The following STARD8 variants were observed in gnomAD, a reference collection of about 807,000 sequenced individuals.
The protein encoded by STARD8 is StAR related lipid transfer domain containing 8, also known as stAR-related lipid transfer protein 8.
Under a neutral mutation model 69.4 loss-of-function variants are expected in STARD8, and 25 were observed. The observed-to-expected ratio is 0.36, with a 90% CI of 0.26 to 0.50. The LOEUF is 0.50. STARD8 is among the 20% of genes least tolerant of loss of function. STARD8 has a pLI of 0.96. For synonymous variants in STARD8, 389 were observed against 374.6 expected (o/e 1.04, Z -0.45); for missense variants, 921 against 932.5 (o/e 0.99, Z 0.16).
intron 2 of STARD8, among the ~76,000 whole-genome samples, chrX:68,692,241 C>T (rs1229639009): frequency 1.8e-5 from 2 of 111,946 alleles, no homozygotes; most frequent in African/African-American, 6.5e-5. Flanking sequence ...CTTGGCGCAC[C>T]TTGAACAAAT....
rs375613703 is a variant in STARD8 at position 68,717,235 on chromosome X, G to T, written c.321G>T (p.Glu107Asp). The change falls in exon 6 of 15, where the codon GAG becomes GAT. Residue 107 changes from glutamate (E) to aspartate (D), a missense_variant. Physicochemically the swap from Glu to Asp is conservative, Grantham distance 45. Transcript: ENST00000374599. ...AGAATGAAGACTCAGAAGAGGAAGA[G>T]CAGTGTACCATCAGTAGCCACTGGG... ...SKQNEDSEEE[E>D]QCTISSHWAF... 24 of 1,198,501 alleles carry T rather than the reference G, an allele frequency of 2.0e-5. No individual in the cohort carries two copies. The highest frequency in any genetic ancestry group is 2.5e-5 in the Non-Finnish European group (22 of 889,227).
rs144765098 is a variant in STARD8 at position 68,710,500 on chromosome X, C to G, written c.80-2414C>G. 7.1e-5 allele frequency among the ~76,000 whole-genome samples: 8 copies of G among 112,194 alleles called. No individual in the cohort carries two copies. In the East Asian group the frequency reaches 2.3e-3, roughly 32 times the overall value. ...CCCAGGTGATGTTGATGCTGCTAGT[C>G]TGGGACTACACTTTGAGTAGCAAGG... On this transcript the variant is annotated intron_variant, in intron 2 of 14. Transcript: ENST00000374599.
At chrX:68,708,684 G>C (rs2080027015) in intron 2 of STARD8, among the ~76,000 whole-genome samples, 1 of 112,078 alleles carries the variant, frequency 8.9e-6, no homozygotes, top group African/African-American at 3.2e-5. Context: ...AATCCAGTTT[G>C]TGCCAGCTGA....
chrX:68,718,850 G>A (rs1489958223), intron 6 of STARD8, among the ~76,000 whole-genome samples: 1 of 111,498 alleles, frequency 9.0e-6, no homozygotes, highest in Non-Finnish European at 1.9e-5. Flanking sequence ...TCTCCTCTCT[G>A]GGCCTCAGTT....
chrX:68,684,513 C>T (rs12353669), intron 2 of STARD8, among the ~76,000 whole-genome samples: 1,443 of 112,956 alleles, frequency 0.013, 32 homozygotes, highest in African/African-American at 0.044. Context: ...AAGGGAAACT[C>T]CTCTGCTTGG....
At chrX:68,721,867 G>T in intron 10 of STARD8, 121 bp downstream of exon 10, 1 of 818,504 alleles carries the variant, frequency 1.2e-6, no homozygotes, top group South Asian at 2.6e-5. Context: ...GAGTGAGCCT[G>T]ACTCCTCAGG....
intron 2 of STARD8, among the ~76,000 whole-genome samples, chrX:68,688,935 G>A (rs1286086629): frequency 9.3e-5 from 10 of 107,497 alleles, no homozygotes; most frequent in East Asian, 5.9e-4. Flanking sequence ...GAAGCAGAGC[G>A]TTCTGGAAGG....
At position 68,724,544 on chromosome X, in the gene STARD8, C is replaced by G; in HGVS notation, c.*122C>G. The G allele has an allele frequency of 1.9e-6, 1 of 530,110 alleles. No individual in the cohort carries two copies. The highest frequency in any genetic ancestry group is 3.1e-6 in the Non-Finnish European group (1 of 322,671). The allele number at this position is 530,110 out of a possible 1,213,427, so 43.7% of individuals were successfully genotyped here. On this transcript the variant is annotated 3_prime_UTR_variant, in exon 15 of 15. Transcript: ENST00000374599. ...CAGGAGCAGAGCCAGGCCCAGGTGG[C>G]TCCAGCTGCCTGTCCTGTCCCCTTT...
In STARD8 at chrX:68,720,301, G is replaced by A. The variant is rs775804788; in HGVS notation, c.1927G>A (p.Asp643Asn). Residue 643 changes from aspartate to asparagine, a missense_variant, in exon 8 of 15, where the codon GAT becomes AAT. Transcript: ENST00000374599. ...PKFMRRNKTP[D>N]YRGQHVFGVP... ...GTTCATGAGGAGGAACAAGACCCCA[G>A]ATTACCGGGGACAGCACGTATTTGG... 22 of 1,205,275 alleles carry A rather than the reference G, an allele frequency of 1.8e-5. No homozygotes were observed. The African/African-American group carries it at 3.6e-4, about 20-fold the overall frequency.
chrX:68,665,417 G>T (rs1025684178), intron 1 of STARD8, 82 bp from the exon 2 acceptor site: 2 of 1,065,904 alleles, frequency 1.9e-6, no homozygotes, highest in South Asian at 2.0e-5. Flanking sequence ...TGGGTAGATC[G>T]AACTTGCTAA....
chrX:68,674,180 G>T (rs1283717883), intron 2 of STARD8, among the ~76,000 whole-genome samples: 1 of 109,308 alleles, frequency 9.1e-6, no homozygotes. Context: ...TGTAATCCCA[G>T]CTACTCGGGA....
chrX:68,723,774 G>T lies in STARD8; in HGVS notation c.2948G>T (p.Gly983Val). ...RAQVLEALMPGVELYHYVTDS... is the reference protein window; with the variant it reads ...RAQVLEALMPVVELYHYVTDS... ...CAGGTGCTGGAAGCCCTGATGCCGG[G>T]TGTGGAGCTGTACCACTATGTCACC... is the stretch of plus-strand genomic sequence containing the variant. The change falls in exon 13 of 15, where the codon GGT becomes GTT. Residue 983 changes from glycine to valine, a missense_variant. Physicochemically the swap from Gly to Val is moderately radical, Grantham distance 109 (BLOSUM62 -3). Transcript: ENST00000374599. The T allele has an allele frequency of 1.7e-6, 2 of 1,179,776 alleles. No individual in the cohort carries two copies. Among genetic ancestry groups the T allele is most frequent in the Non-Finnish European group, 2.3e-6 (2 of 879,347 alleles).
chrX:68,720,526 C>CCTG, intron 8 of STARD8, 103 bp downstream of exon 8: 1 of 978,700 alleles, frequency 1.0e-6, no homozygotes, highest in Non-Finnish European at 1.3e-6. Flanking sequence ...CTGCTCTGGC[C>CCTG]TTCCCCCTCA....
At position 68,717,280 on chromosome X, in the gene STARD8, G is replaced by A; in HGVS notation, c.366G>A (p.Lys122=). 2.5e-6 allele frequency: 3 copies of A among 1,205,301 alleles called. No homozygotes were observed. The highest frequency in any genetic ancestry group is 3.4e-6 in the Non-Finnish European group (3 of 892,266). The change falls in exon 6 of 15, where the codon AAG becomes AAA. Residue 122 remains lysine (K), a synonymous_variant. Transcript: ENST00000374599. ...ACTGGGCCTTCCAGCAGGAAAGTAA[G>A]TGCTGGTCTCCTATGGGGTCCTCTG... ...SSHWAFQQES[K]CWSPMGSSDL...
intron 2 of STARD8, among the ~76,000 whole-genome samples, chrX:68,686,331 C>T (rs758235270): frequency 1.8e-5 from 2 of 112,508 alleles, no homozygotes; most frequent in South Asian, 3.6e-4. Context: ...CCGGGCTCCC[C>T]GCGGATTCGC....
chrX:68,692,903 A>C (rs1288627368), intron 2 of STARD8, among the ~76,000 whole-genome samples: 3 of 112,902 alleles, frequency 2.7e-5, no homozygotes, highest in Non-Finnish European at 3.7e-5. Flanking sequence ...CTCAGACCTG[A>C]CTAATAGGAG....
At chrX:68,709,152 T>C (rs919161410) in intron 2 of STARD8, among the ~76,000 whole-genome samples, 1 of 112,771 alleles carries the variant, frequency 8.9e-6, no homozygotes, top group South Asian at 3.7e-4. Context: ...ACATCCTGTT[T>C]GGTAATAACC....
chrX:68,655,516 G>A (rs1351649619), intron 1 of STARD8, among the ~76,000 whole-genome samples: 5 of 111,921 alleles, frequency 4.5e-5, no homozygotes, highest in Admixed American at 9.5e-5. Context: ...AATTCAGACC[G>A]TGGATTGTCC....
chrX:68,664,861 T>A (rs1052499388), intron 1 of STARD8, among the ~76,000 whole-genome samples: 1 of 112,699 alleles, frequency 8.9e-6, no homozygotes, highest in Non-Finnish European at 1.9e-5. Flanking sequence ...TAAATATTTG[T>A]TGAATGCATG....
Sources: gnomAD v4.1 joint callset for allele counts (sites outside exome capture counted in the v4.1 genomes callset) on GRCh38, gnomAD v4.1.1 for gene constraint, MANE v1.5 for transcripts, NCBI Gene and HGNC (gene_info 2026-07-23, HGNC 2026-07-21) for gene names.